Variants in ZFYVE27 observed in about 807,000 individuals in gnomAD.
ZFYVE27 encodes the protein zinc finger FYVE-type containing 27.
ZFYVE27 carries 36 observed loss-of-function variants against 52.8 expected under a neutral mutation model. The ratio of observed to expected loss-of-function variants is 0.68; its 90% confidence interval spans 0.52 to 0.90. The LOEUF (loss-of-function observed/expected upper bound fraction) is 0.90. Ranked by LOEUF, ZFYVE27 falls within the 40% of genes least tolerant of loss-of-function variation. The pLI, the probability that ZFYVE27 is intolerant of heterozygous loss-of-function variation, is 0.00. For synonymous variants in ZFYVE27, 223 were observed against 215.6 expected, an observed-to-expected ratio of 1.03 and a Z score of -0.30; for missense variants, 450 against 527.2, an observed-to-expected ratio of 0.85 and a Z score of 1.43.
Position 97,751,411 on chromosome 10 carries a change from G to GGAGGAGGCT in ZFYVE27, c.838_846dup (p.Glu280_Glu282dup), listed in dbSNP as rs1355033336. ...CCCAGGACCTCACACCGGGCAGCGTGGAGGAGGCTGAGGAGGCTGAGCCAG... is the reference window on the plus strand; with the variant it reads ...CCCAGGACCTCACACCGGGCAGCGTGGAGGAGGCTGAGGAGGCTGAGGAGGCTGAGCCAG... On this transcript the variant is annotated inframe_insertion, in exon 8 of 13. Coordinates refer to ENST00000684270, the MANE Select transcript of ZFYVE27 (RefSeq NM_001385875.1). 6.8e-6 allele frequency: 11 copies of GGAGGAGGCT among 1,613,968 alleles called. No individual in the cohort carries two copies. The highest frequency in any genetic ancestry group is 9.3e-6 in the Non-Finnish European group (11 of 1,179,900).
rs766719967 is a variant in ZFYVE27 at position 97,744,770 on chromosome 10, G to T, written c.310G>T (p.Ala104Ser). 6.2e-7 allele frequency: 1 copy of T among 1,613,886 alleles called. No individual in the cohort carries two copies. The highest frequency in any genetic ancestry group is 1.1e-5 in the South Asian group (1 of 91,070). Reference sequence around the variant, plus strand: ...AGGTGCCCTGATGATTTCAGTGCCCGCCCTGCTGGGCTACCTTCAGGAGGT... The same window carrying T: ...AGGTGCCCTGATGATTTCAGTGCCCTCCCTGCTGGGCTACCTTCAGGAGGT... ...SVGALMISVPALLGYLQEVCR... is the reference protein window; with the variant it reads ...SVGALMISVPSLLGYLQEVCR... Residue 104 changes from alanine (A) to serine (S), a missense_variant, in exon 4 of 13, where the codon GCC becomes TCC. Ala to Ser is a moderately conservative substitution (Grantham distance 99). Coordinates refer to ENST00000684270, the MANE Select transcript of ZFYVE27 (RefSeq NM_001385875.1).
At chr10:97,757,819 CTTGGGA>C (rs1263834080) in intron 12 of ZFYVE27, 96 bp downstream of exon 12, 13 of 1,296,232 alleles carry the variant, frequency 1.0e-5, no homozygotes, top group Non-Finnish European at 1.4e-5. Context: ...GTCAAGGGAA[CTTGGGA>C]TTGTAGTCAG....
rs766555213 is a variant in ZFYVE27, at chr10:97,738,540, T to C, written c.63T>C (p.Ala21=). 5 of 1,614,044 alleles carry C rather than the reference T, an allele frequency of 3.1e-6. No individual in the cohort carries two copies. The African/African-American group carries it at 6.7e-5, about 22-fold the overall frequency. Residue 21 remains alanine, a synonymous_variant, in exon 2 of 13, where the codon GCT becomes GCC. Coordinates refer to ENST00000684270, the MANE Select transcript of ZFYVE27 (RefSeq NM_001385875.1). ...TGAGCCCCAGCGTGATGCCCGAGGC[T>C]CCCCTGGAGTCTCCACCTTTTCCTA... ...PELSPSVMPE[A]PLESPPFPTK... is the part of the protein sequence containing the mutation.
At chr10:97,744,970 A>C in intron 4 of ZFYVE27, 55 bp downstream of exon 4, 2 of 1,530,376 alleles carry the variant, frequency 1.3e-6, no homozygotes, top group Non-Finnish European at 1.8e-6. Flanking sequence ...CAGCCATGAC[A>C]CTAAGTGCTA....
chr10:97,743,056 G>T (rs746072856), intron 2 of ZFYVE27, 38 bp from the exon 3 acceptor site: 1 of 1,611,964 alleles, frequency 6.2e-7, no homozygotes, highest in Admixed American at 1.7e-5. Context: ...AGCTGGAGGA[G>T]TGACTCTCTG....
At chr10:97,751,229 C>A in intron 7 of ZFYVE27, 162 bp from the exon 8 acceptor site, 1 of 750,626 alleles carries the variant, frequency 1.3e-6, no homozygotes, top group Non-Finnish European at 2.3e-6. Flanking sequence ...CCCCGCCCTG[C>A]CAGGCTAGAG....
Position 97,738,628 on chromosome 10 carries a change from C to A in ZFYVE27, c.151C>A (p.Leu51Met), listed in dbSNP as rs572930779. ...CTCCTACAAGAGGCTGGAGATCTAC[C>A]TGGAACCCTTGAAGGATGCAGGTGA... ...VLSYKRLEIYLEPLKDAGDGV... is the reference protein window; with the variant it reads ...VLSYKRLEIYMEPLKDAGDGV... The change falls in exon 2 of 13, where the codon CTG (leucine) becomes ATG (methionine). Residue 51 changes from leucine (L) to methionine (M), a missense_variant. Transcript: ENST00000684270. 1.2e-6 allele frequency: 2 copies of A among 1,614,072 alleles called. No individual in the cohort carries two copies. The highest frequency in any genetic ancestry group is 1.7e-6 in the Non-Finnish European group (2 of 1,180,038).
intron 11 of ZFYVE27, 31 bp downstream of exon 11, chr10:97,757,342 G>T (rs2136372600): frequency 6.2e-7 from 1 of 1,614,098 alleles, no homozygotes. Flanking sequence ...ATTTGTTGGG[G>T]ACAGTGTCCT....
At position 97,748,325 on chromosome 10, in the gene ZFYVE27, A is replaced by G; in HGVS notation, c.512A>G (p.Tyr171Cys). 6.2e-7 allele frequency: 1 copy of G among 1,614,138 alleles called. No homozygotes were observed. Among genetic ancestry groups the G allele is most frequent in the South Asian group, 1.1e-5 (1 of 91,082 alleles). ...SRLCCTCEAA[Y>C]RVLHWENPVV... Reference sequence around the variant, plus strand: ...CTGTGCTGCACATGTGAAGCCGCCTACCGCGTGCTGCACTGGGAGAACCCC... The same window carrying G: ...CTGTGCTGCACATGTGAAGCCGCCTGCCGCGTGCTGCACTGGGAGAACCCC... The change falls in exon 5 of 13, where the codon TAC becomes TGC. Residue 171 changes from tyrosine to cysteine, a missense_variant. Coordinates refer to ENST00000684270, the MANE Select transcript of ZFYVE27 (RefSeq NM_001385875.1).
chr10:97,755,444 A>T (rs2048118133), intron 10 of ZFYVE27, among the ~76,000 whole-genome samples: 1 of 152,202 alleles, frequency 6.6e-6, no homozygotes, highest in African/African-American at 2.4e-5. Context: ...TGTCAGCAGG[A>T]TCAGGTTCTG....
At chr10:97,748,135 T>G (rs1007109370) in intron 4 of ZFYVE27, 134 bp from the exon 5 acceptor site, 9 of 845,062 alleles carry the variant, frequency 1.1e-5, no homozygotes, top group Admixed American at 2.0e-5. Flanking sequence ...CTCTCTCGAC[T>G]CCTCTCTCTT....
chr10:97,741,115 T>A (rs952303551), intron 2 of ZFYVE27, among the ~76,000 whole-genome samples: 1 of 152,210 alleles, frequency 6.6e-6, no homozygotes, highest in African/African-American at 2.4e-5. Context: ...TTTCATTCCC[T>A]TACTCATAAA....
rs543026374 is a variant in ZFYVE27, at chr10:97,748,469, G to A, written c.551+105G>A. On this transcript the variant is annotated intron_variant, in intron 5 of 12. Coordinates refer to ENST00000684270, the MANE Select transcript of ZFYVE27 (RefSeq NM_001385875.1). ...GACCTCTGCCCCTCTTACCTCAGGG[G>A]AAGAGCTCGCCTCCTGGGCTCTTGT... is the stretch of plus-strand genomic sequence containing the variant. 2.7e-6 allele frequency: 3 copies of A among 1,131,330 alleles called. No individual in the cohort carries two copies. The South Asian group carries it at 3.9e-5, about 15-fold the overall frequency. 70.1% of individuals were successfully genotyped at this position (1,131,330 alleles called of 1,614,324 possible). A position where few individuals can be genotyped will look rare whatever the true frequency, so the allele number is the denominator to read the frequency against.
At chr10:97,743,963 T>C (rs1183080235) in intron 3 of ZFYVE27, among the ~76,000 whole-genome samples, 1 of 152,246 alleles carries the variant, frequency 6.6e-6, no homozygotes, top group Non-Finnish European at 1.5e-5. Context: ...GTTTTTGTTC[T>C]TTTACTTACC....
At chr10:97,757,800 G>A (rs2048752914) in intron 12 of ZFYVE27, 77 bp downstream of exon 12, 2 of 1,461,944 alleles carry the variant, frequency 1.4e-6, no homozygotes, top group South Asian at 1.1e-5. Context: ...AGAGGCAAGG[G>A]TGTCAGAGGT....
intron 7 of ZFYVE27, among the ~76,000 whole-genome samples, 194 bp from the exon 8 acceptor site, chr10:97,751,197 G>A (rs2046894254): frequency 6.6e-6 from 1 of 152,172 alleles, no homozygotes; most frequent in African/African-American, 2.4e-5. Context: ...TGTAGGGCCA[G>A]CTGTGCTCGT....
intron 2 of ZFYVE27, 113 bp from the exon 3 acceptor site, chr10:97,742,980 CT>C (rs978984142): frequency 8.5e-7 from 1 of 1,170,242 alleles, no homozygotes; most frequent in African/African-American, 1.5e-5. Flanking sequence ...TCTCCTTGAC[CT>C]TCTGTGTTCC....
At chr10:97,751,555 T>A in intron 8 of ZFYVE27, 93 bp downstream of exon 8, 1 of 1,278,040 alleles carries the variant, frequency 7.8e-7, no homozygotes, top group Non-Finnish European at 1.1e-6. Context: ...AATGTCCAAG[T>A]GAGAAGCTAA....
At position 97,749,579 on chromosome 10, in the gene ZFYVE27, C is replaced by A. The variant is rs753522331; in HGVS notation, c.657C>A (p.Phe219Leu). 1.5e-5 allele frequency: 25 copies of A among 1,613,924 alleles called. No individual in the cohort carries two copies. Among genetic ancestry groups the A allele is most frequent in the Non-Finnish European group, 1.9e-5 (23 of 1,179,888 alleles). ...CGCTCTTTCTGGGGAATGTGGAGTT[C>A]TTCCGAGGTAAGCCCTGAAGGGCCT... ...NSTLFLGNVE[F>L]FRVVSEYRAS... Residue 219 changes from phenylalanine to leucine, a missense_variant, in exon 6 of 13, where the codon TTC becomes TTA. Transcript: ENST00000684270.
Sources: allele counts gnomAD v4.1 joint callset (sites outside exome capture counted in the v4.1 genomes callset), GRCh38; gene constraint gnomAD v4.1.1; transcripts MANE v1.5; gene names NCBI Gene and HGNC (gene_info 2026-07-23, HGNC 2026-07-21).